The following PLCG2 variants were observed in gnomAD, a reference collection of about 807,000 sequenced individuals.
PLCG2 encodes the protein 1-phosphatidylinositol 4,5-bisphosphate phosphodiesterase gamma-2.
PLCG2 carries 69 observed loss-of-function variants against 175.6 expected under a neutral mutation model. The ratio of observed to expected loss-of-function variants is 0.39; its 90% confidence interval spans 0.32 to 0.48. The LOEUF (loss-of-function observed/expected upper bound fraction) is 0.48, where lower values mean the gene tolerates loss of function less well. Among genes scored for constraint, PLCG2 ranks in the 20% least tolerant of loss-of-function variants. The pLI is 0.91. For missense variants in PLCG2, 1,798 were observed against 1,650.9 expected (o/e 1.09, Z -1.54); for synonymous variants, 827 against 624.0 (o/e 1.33, Z -4.85).
intron 2 of PLCG2, among the ~76,000 whole-genome samples, chr16:81,767,160 T>C (rs1910168849): frequency 7.0e-6 from 1 of 142,800 alleles, no homozygotes; most frequent in South Asian, 2.3e-4. Context: ...TTTTTTTTTT[T>C]TTGAGACTGA....
intron 15 of PLCG2, among the ~76,000 whole-genome samples, chr16:81,906,981 T>C (rs953066627): frequency 6.9e-6 from 1 of 144,434 alleles, no homozygotes; most frequent in Non-Finnish European, 1.5e-5. Context: ...GAGGTTTCAG[T>C]GAGCTGAGAT....
At position 81,943,777 on chromosome 16, in the gene PLCG2, C is replaced by T. The variant is rs147703351; in HGVS notation, c.3482-2398C>T. 1.2e-3 allele frequency among the ~76,000 whole-genome samples: 179 copies of T among 152,234 alleles called. 5 individuals are homozygous for T. The South Asian group carries it at 0.033, about 28-fold the overall frequency. ...ACTAGCAACAAAAATCACATTGTAG[C>T]GATAGGGAAAAATAGGTCAGAAAAC... On this transcript the variant is annotated intron_variant, in intron 30 of 32. Transcript: ENST00000564138.
At chr16:81,848,516 C>A (rs1024106415) in intron 2 of PLCG2, among the ~76,000 whole-genome samples, 2 of 152,122 alleles carry the variant, frequency 1.3e-5, no homozygotes, top group African/African-American at 4.8e-5. Context: ...CATTTCTCTC[C>A]CTCCTTGTCT....
At position 81,912,469 on chromosome 16, in the gene PLCG2, G is replaced by A. The variant is rs1909669414; in HGVS notation, c.1935-128G>A. 5.2e-6 allele frequency: 6 copies of A among 1,150,166 alleles called. No homozygotes were observed. The South Asian group carries it at 9.3e-5, about 18-fold the overall frequency. 71.2% of individuals were successfully genotyped at this position (1,150,166 alleles called of 1,614,324 possible). A position where few individuals can be genotyped will look rare whatever the true frequency, so the allele number is the denominator to read the frequency against. On this transcript the variant is annotated intron_variant, in intron 18 of 32. Coordinates refer to ENST00000564138, the MANE Select transcript of PLCG2 (RefSeq NM_002661.5). ...CTTTGTCTGGGGAAGCCCACTGTGT[G>A]ATTTCCATGGTCGTTTCCAGGGCCA...
intron 31 of PLCG2, among the ~76,000 whole-genome samples, chr16:81,950,567 C>A (rs1257728235): frequency 6.6e-6 from 1 of 152,112 alleles, no homozygotes; most frequent in Non-Finnish European, 1.5e-5. Flanking sequence ...AAATGGATAA[C>A]ATACACTATT....
chr16:81,819,265 G>T (rs1222640975), intron 2 of PLCG2, among the ~76,000 whole-genome samples: 1 of 152,200 alleles, frequency 6.6e-6, no homozygotes, highest in African/African-American at 2.4e-5. Flanking sequence ...AGATGGCTGG[G>T]CAGAGTCAGG....
chr16:81,828,398 C>T (rs981729056), intron 2 of PLCG2, among the ~76,000 whole-genome samples: 12 of 151,716 alleles, frequency 7.9e-5, no homozygotes, highest in East Asian at 2.0e-4. Flanking sequence ...CCACCACGCC[C>T]GGCTAATTTT....
intron 2 of PLCG2, among the ~76,000 whole-genome samples, chr16:81,769,917 C>T (rs1227444656): frequency 2.0e-5 from 3 of 151,576 alleles, no homozygotes; most frequent in African/African-American, 7.3e-5. Context: ...TCGCTTAATG[C>T]CTCTGAGCCT....
chr16:81,902,381 G>A (rs995691240), intron 14 of PLCG2, among the ~76,000 whole-genome samples: 3 of 152,192 alleles, frequency 2.0e-5, no homozygotes, highest in Admixed American at 1.3e-4. Flanking sequence ...CAAGGTCAGG[G>A]TGCTGGTATG....
chr16:81,769,873 A>G (rs1205871639), intron 2 of PLCG2, among the ~76,000 whole-genome samples: 1 of 149,380 alleles, frequency 6.7e-6, no homozygotes, highest in Non-Finnish European at 1.5e-5. Context: ...TTCAGATTCT[A>G]GTTCTGCCAC....
rs10549962 is a variant in PLCG2 at position 81,838,778 on chromosome 16, A to AATATAT, written c.194-15641_194-15636dup. Reference sequence around the variant, plus strand: ...TATCCCAGAACTTAAAGTAAAATTAAATATATATATATATATATATATATA... The same window carrying AATATAT: ...TATCCCAGAACTTAAAGTAAAATTAAATATATATATATATATATATATATATATATA... On this transcript the variant is annotated intron_variant, in intron 2 of 32. Coordinates refer to ENST00000564138, the MANE Select transcript of PLCG2 (RefSeq NM_002661.5). Among the ~76,000 whole-genome samples, 1,254 of 141,586 alleles carry AATATAT rather than the reference A, an allele frequency of 8.9e-3. 11 individuals carry two copies. Among genetic ancestry groups the AATATAT allele is most frequent in the African/African-American group, 0.012 (443 of 38,306 alleles). 92.9% of individuals were successfully genotyped at this position (141,586 alleles called of 152,430 possible).
At position 81,956,700 on chromosome 16, in the gene PLCG2, C is replaced by G. The variant is rs767695750; in HGVS notation, c.3576C>G (p.Ser1192Arg). The G allele has an allele frequency of 6.2e-7, 1 of 1,613,400 alleles. No homozygotes were observed. Among genetic ancestry groups the G allele is most frequent in the African/African-American group, 1.3e-5 (1 of 75,002 alleles). Residue 1192 changes from serine (S) to arginine (R), a missense_variant, in exon 32 of 33, where the codon AGC (serine) becomes AGG (arginine). Transcript: ENST00000564138. ...CTCTCCCCTGCATCCTCCAGGAGAG[C>G]GAAGAGGAACTTTACTCCTCCTGTC... ...VFCEMRPVLESEEELYSSCRQ... is the reference protein window; with the variant it reads ...VFCEMRPVLEREEELYSSCRQ...
chr16:81,961,043 T>C lies in PLCG2; in HGVS notation c.*3045T>C, dbSNP rs139061512. ...GGATATTTGGAAAGTGAAAGACTTA[T>C]CAACAGGGCACAAATCTTTTTGCAA... is the stretch of plus-strand genomic sequence containing the variant. On this transcript the variant is annotated 3_prime_UTR_variant, in exon 33 of 33. Transcript: ENST00000564138. 3.1e-4 allele frequency: 71 copies of C among 231,550 alleles called. 1 individual carries two copies. In the East Asian group the frequency reaches 4.4e-3, roughly 14 times the overall value. The allele number at this position is 231,550 out of a possible 1,614,324, so 14.3% of individuals were successfully genotyped here.
chr16:81,954,214 G>T (rs1394537491), intron 31 of PLCG2, among the ~76,000 whole-genome samples: 1 of 152,002 alleles, frequency 6.6e-6, no homozygotes, highest in African/African-American at 2.4e-5. Context: ...ATAGTAACAG[G>T]GTCCCGCTAT....
At chr16:81,802,546 C>T (rs1911779151) in intron 2 of PLCG2, among the ~76,000 whole-genome samples, 1 of 152,040 alleles carries the variant, frequency 6.6e-6, no homozygotes, top group African/African-American at 2.4e-5. Flanking sequence ...TGATGAGGAA[C>T]CTATAGATTT....
At chr16:81,920,878 C>T (rs1389414120) in intron 20 of PLCG2, among the ~76,000 whole-genome samples, 2 of 152,186 alleles carry the variant, frequency 1.3e-5, no homozygotes, top group Non-Finnish European at 2.9e-5. Flanking sequence ...AAGTGATGTA[C>T]ACAGTGGGCT....
chr16:81,859,271 C>A (rs1042179437), intron 5 of PLCG2, 108 bp downstream of exon 5: 6 of 736,498 alleles, frequency 8.1e-6, no homozygotes, highest in African/African-American at 1.8e-5. Context: ...AAGGTCCTCA[C>A]TGCGTCCATT....
At chr16:81,902,242 C>T (rs981352471) in intron 14 of PLCG2, among the ~76,000 whole-genome samples, 1 of 152,192 alleles carries the variant, frequency 6.6e-6, no homozygotes, top group African/African-American at 2.4e-5. Context: ...TCCACGAGCT[C>T]ATGGGGAAGG....
chr16:81,850,421 A>C (rs960062749), intron 2 of PLCG2, among the ~76,000 whole-genome samples: 3 of 152,220 alleles, frequency 2.0e-5, no homozygotes, highest in Non-Finnish European at 2.9e-5. Context: ...TGAGGAGTGA[A>C]GATAAAGAGA....
Sources: gnomAD v4.1 joint callset for allele counts (sites outside exome capture counted in the v4.1 genomes callset) on GRCh38, gnomAD v4.1.1 for gene constraint, MANE v1.5 for transcripts, NCBI Gene and HGNC (gene_info 2026-07-23, HGNC 2026-07-21) for gene names.